The following TMEM9B variants were observed in gnomAD, a reference collection of about 807,000 sequenced individuals.
TMEM9B encodes the protein transmembrane protein 9B.
A neutral mutation model predicts 23.5 loss-of-function variants in TMEM9B; 8 were observed. That is an observed-to-expected ratio of 0.34 (90% CI 0.20 to 0.61). The LOEUF (loss-of-function observed/expected upper bound fraction) is 0.61, where lower values mean the gene tolerates loss of function less well. TMEM9B is among the 20% of genes least tolerant of loss of function. The pLI, the probability that TMEM9B is intolerant of heterozygous loss-of-function variation, is 0.78. For synonymous variants in TMEM9B, 106 were observed against 96.3 expected (o/e 1.10, Z -0.59); for missense variants, 197 against 252.3 (o/e 0.78, Z 1.49).
chr11:8,954,535 C>T lies in TMEM9B; in HGVS notation c.307-1198G>A, dbSNP rs531403448. ...AACTCCTGACCTCAAGTGATCCACCCGCCTCGGACTTCCAAAGTGCTGGGA... is the reference window on the plus strand; with the variant it reads ...AACTCCTGACCTCAAGTGATCCACCTGCCTCGGACTTCCAAAGTGCTGGGA... On this transcript the variant is annotated intron_variant, in intron 3 of 4. Coordinates refer to ENST00000534025, the MANE Select transcript of TMEM9B (RefSeq NM_020644.3). 8.5e-5 allele frequency among the ~76,000 whole-genome samples: 13 copies of T among 152,118 alleles called. No individual in the cohort carries two copies. The South Asian group carries it at 1.2e-3, about 15-fold the overall frequency.
At chr11:8,948,508 G>A in intron 4 of TMEM9B, 33 bp from the exon 5 acceptor site, 1 of 1,605,420 alleles carries the variant, frequency 6.2e-7, no homozygotes, top group Non-Finnish European at 8.5e-7. Context: ...CATTAGAGAT[G>A]GCACAGTCAG....
chr11:8,953,334 T>A lies in TMEM9B; in HGVS notation c.310A>T (p.Thr104Ser). The change falls in exon 4 of 5, where the codon ACC becomes TCC. Residue 104 changes from threonine to serine, a missense_variant. Transcript: ENST00000534025. ...AAAATGGAGAGATAAATTATAATGGTAACCTAAAGGAAATTGAAAATTAAG... is the reference window on the plus strand; with the variant it reads ...AAAATGGAGAGATAAATTATAATGGAAACCTAAAGGAAATTGAAAATTAAG... ...EERSSVTIKV[T>S]IIIYLSILGL... The A allele has an allele frequency of 6.2e-7, 1 of 1,613,060 alleles. No homozygotes were observed. Among genetic ancestry groups the A allele is most frequent in the Non-Finnish European group, 8.5e-7 (1 of 1,179,548 alleles).
rs1854150761 is a variant in TMEM9B at position 8,964,354 on chromosome 11, A to ACCGGCTC, written c.-48_-42dup. 1.3e-6 allele frequency: 2 copies of ACCGGCTC among 1,534,898 alleles called. No individual in the cohort carries two copies. The highest frequency in any genetic ancestry group is 1.2e-5 in the South Asian group (1 of 82,544). On this transcript the variant is annotated 5_prime_UTR_variant, in exon 1 of 5. Coordinates refer to ENST00000534025, the MANE Select transcript of TMEM9B (RefSeq NM_020644.3). Reference sequence around the variant, plus strand: ...GGTCCCACAGCCCGGAGCCCCCGCGACCGGCTCCCGGCTCGGGCTCAGGCT... The same window carrying ACCGGCTC: ...GGTCCCACAGCCCGGAGCCCCCGCGACCGGCTCCCGGCTCCCGGCTCGGGCTCAGGCT...
At chr11:8,955,117 C>A (rs541112738) in intron 3 of TMEM9B, among the ~76,000 whole-genome samples, 1 of 141,358 alleles carries the variant, frequency 7.1e-6, no homozygotes, top group African/African-American at 2.6e-5. Context: ...CACCACTGCA[C>A]TCCAGCCTGG....
chr11:8,958,184 C>T (rs1407029205), intron 2 of TMEM9B, among the ~76,000 whole-genome samples: 1 of 129,760 alleles, frequency 7.7e-6, no homozygotes, highest in Non-Finnish European at 1.6e-5. Flanking sequence ...AAAAAAAGGC[C>T]GGGTGTGGTG....
intron 4 of TMEM9B, among the ~76,000 whole-genome samples, chr11:8,949,102 T>C (rs1320412877): frequency 6.6e-6 from 1 of 152,184 alleles, no homozygotes. Context: ...ACTTCCCCAA[T>C]GTGTAATGAA....
At chr11:8,960,684 C>CTT (rs529733160) in intron 2 of TMEM9B, among the ~76,000 whole-genome samples, 12 of 141,622 alleles carry the variant, frequency 8.5e-5, no homozygotes, top group Non-Finnish European at 1.2e-4. Flanking sequence ...TTTGAACATT[C>CTT]TTTTTTTTTT....
In TMEM9B at chr11:8,956,174, G is replaced by A. The variant is rs1353440418; in HGVS notation, c.306+16C>T. The A allele has an allele frequency of 6.2e-7, 1 of 1,603,064 alleles. No homozygotes were observed. The highest frequency in any genetic ancestry group is 8.5e-7 in the Non-Finnish European group (1 of 1,172,160). On this transcript the variant is annotated intron_variant, in intron 3 of 4. Transcript: ENST00000534025. Reference sequence around the variant, plus strand: ...ACAGACAGACAGACAGGTAGATAGAGGGATATATATTTTACCTTGATTGTG... The same window carrying A: ...ACAGACAGACAGACAGGTAGATAGAAGGATATATATTTTACCTTGATTGTG...
At chr11:8,960,713 G>C (rs1018828324) in intron 2 of TMEM9B, among the ~76,000 whole-genome samples, 1 of 148,442 alleles carries the variant, frequency 6.7e-6, no homozygotes, top group Non-Finnish European at 1.5e-5. Flanking sequence ...CTAGGGTCTC[G>C]CTCTGTCACC....
chr11:8,956,148 G>A, intron 3 of TMEM9B, 42 bp downstream of exon 3: 1 of 1,563,484 alleles, frequency 6.4e-7, no homozygotes, highest in South Asian at 1.1e-5. Flanking sequence ...AAAAGACGTA[G>A]ACAGACAGAC....
intron 2 of TMEM9B, among the ~76,000 whole-genome samples, chr11:8,959,793 C>T (rs1388462967): frequency 6.6e-6 from 1 of 152,168 alleles, no homozygotes; most frequent in Admixed American, 6.5e-5. Flanking sequence ...AGCTTTAAAT[C>T]ACCCCAAACA....
chr11:8,950,346 T>C (rs1032444804), intron 4 of TMEM9B, among the ~76,000 whole-genome samples: 3 of 134,330 alleles, frequency 2.2e-5, no homozygotes, highest in Non-Finnish European at 3.2e-5. Flanking sequence ...AGTGAATTTG[T>C]GTATAAAATA....
intron 4 of TMEM9B, among the ~76,000 whole-genome samples, chr11:8,952,410 AT>A (rs967714191): frequency 6.1e-5 from 9 of 148,062 alleles, no homozygotes; most frequent in South Asian, 2.2e-4. Context: ...AAGATCTCAG[AT>A]TTTTTTTTTC....
In TMEM9B at chr11:8,953,476, A is replaced by G. The variant is rs576456415; in HGVS notation, c.307-139T>C. On this transcript the variant is annotated intron_variant, in intron 3 of 4. Transcript: ENST00000534025. ...AAACCAGATAGCAATATAAGAAATA[A>G]ACTCAACTCTTCACCAAAGTATTAT... 239 of 841,918 alleles carry G rather than the reference A, an allele frequency of 2.8e-4. 3 individuals are homozygous for G. In the African/African-American group the frequency reaches 3.5e-3, roughly 12 times the overall value. 52.2% of individuals were successfully genotyped at this position (841,918 alleles called of 1,614,324 possible).
Position 8,956,314 on chromosome 11 carries a change from T to C in TMEM9B, c.198-16A>G, listed in dbSNP as rs1269590706. On this transcript the variant is annotated splice_polypyrimidine_tract_variant and intron_variant, in intron 2 of 4. Coordinates refer to ENST00000534025, the MANE Select transcript of TMEM9B (RefSeq NM_020644.3). Reference sequence around the variant, plus strand: ...AAGGCAATCACTGAAAAAACAAAGATAAAATGCTGCTTAAGCCCAGCTAGC... The same window carrying C: ...AAGGCAATCACTGAAAAAACAAAGACAAAATGCTGCTTAAGCCCAGCTAGC... 6.2e-7 allele frequency: 1 copy of C among 1,609,190 alleles called. No individual in the cohort carries two copies. The highest frequency in any genetic ancestry group is 1.3e-5 in the African/African-American group (1 of 74,924).
rs571247672 is a variant in TMEM9B at position 8,962,238 on chromosome 11, T to A, written c.106-55A>T. 9 of 1,170,040 alleles carry A rather than the reference T, an allele frequency of 7.7e-6. No homozygotes were observed. The East Asian group carries it at 1.8e-4, about 23-fold the overall frequency. The allele number at this position is 1,170,040 out of a possible 1,614,324, so 72.5% of individuals were successfully genotyped here. On this transcript the variant is annotated intron_variant, in intron 1 of 4. Transcript: ENST00000534025. ...GTTGACAGTTTATCATCAATATTTT[T>A]AAAAACTGTACCATATACATTTTGC...
chr11:8,952,409 G>C (rs1040358304), intron 4 of TMEM9B, among the ~76,000 whole-genome samples: 10 of 151,608 alleles, frequency 6.6e-5, no homozygotes, highest in African/African-American at 2.4e-4. Flanking sequence ...AAAGATCTCA[G>C]ATTTTTTTTT....
At chr11:8,963,629 A>G (rs1854119861) in intron 1 of TMEM9B, among the ~76,000 whole-genome samples, 1 of 152,196 alleles carries the variant, frequency 6.6e-6, no homozygotes, top group African/African-American at 2.4e-5. Context: ...GAGTTAGGTG[A>G]GAATATGAAG....
intron 2 of TMEM9B, among the ~76,000 whole-genome samples, chr11:8,958,346 C>CA (rs1328388045): frequency 4.0e-5 from 6 of 150,772 alleles, no homozygotes; most frequent in Admixed American, 1.3e-4. Context: ...CCTGTAATCC[C>CA]AGCTACTCAG....
Sources: gnomAD v4.1 joint callset for allele counts (sites outside exome capture counted in the v4.1 genomes callset) on GRCh38, gnomAD v4.1.1 for gene constraint, MANE v1.5 for transcripts, NCBI Gene and HGNC (gene_info 2026-07-23, HGNC 2026-07-21) for gene names.